KCNK10: variants seen among roughly 807,000 people sequenced by gnomAD.
KCNK10 encodes the protein potassium two pore domain channel subfamily K member 10.
Under a neutral mutation model 47.7 loss-of-function variants are expected in KCNK10, and 25 were observed. That is an observed-to-expected ratio of 0.52 (90% CI 0.38 to 0.73). KCNK10 has a LOEUF of 0.73. KCNK10 is among the 30% of genes least tolerant of loss of function. The pLI, the probability that KCNK10 is intolerant of heterozygous loss-of-function variation, is 0.00. For synonymous variants in KCNK10, 303 were observed against 285.6 expected (o/e 1.06, Z -0.61); for missense variants, 563 against 714.5 (o/e 0.79, Z 2.42).
In KCNK10 at chr14:88,192,339, C is replaced by T. The variant is rs766371129; in HGVS notation, c.753G>A (p.Val251=). The change falls in exon 5 of 7, where the codon GTG becomes GTA. Residue 251 remains valine, a synonymous_variant. Coordinates refer to ENST00000319231, the MANE Select transcript of KCNK10 (RefSeq NM_138317.3). ...TILFILAGCI[V]FVTIPAVIFK... is the part of the protein sequence containing the mutation. ...AGATGACAGCAGGGATCGTCACAAACACAATGCAGCCGGCCAAGATGAACA... is the reference window on the plus strand; with the variant it reads ...AGATGACAGCAGGGATCGTCACAAATACAATGCAGCCGGCCAAGATGAACA... 6 of 1,614,050 alleles carry T rather than the reference C, an allele frequency of 3.7e-6. No homozygotes were observed. In the African/African-American group the frequency reaches 8.0e-5, roughly 22 times the overall value.
chr14:88,242,438 C>T (rs769033406), intron 2 of KCNK10, among the ~76,000 whole-genome samples: 1 of 152,086 alleles, frequency 6.6e-6, no homozygotes, highest in South Asian at 2.1e-4. Context: ...AAAGATGCTG[C>T]GAGCTAGATT....
intron 4 of KCNK10, among the ~76,000 whole-genome samples, chr14:88,217,492 A>G (rs574501335): frequency 1.3e-5 from 2 of 152,352 alleles, no homozygotes; most frequent in African/African-American, 4.8e-5. Flanking sequence ...GCTGAAAATA[A>G]TACCCAGTTT....
chr14:88,272,483 G>A (rs900981866), intron 1 of KCNK10, among the ~76,000 whole-genome samples: 1 of 152,086 alleles, frequency 6.6e-6, no homozygotes, highest in African/African-American at 2.4e-5. Context: ...AACAGCAATG[G>A]GGGGGCAACA....
At position 88,299,953 on chromosome 14, in the gene KCNK10, T is replaced by A. The variant is rs1888061191; in HGVS notation, c.52+22794A>T. Among the ~76,000 whole-genome samples, 8 of 152,316 alleles carry A rather than the reference T, an allele frequency of 5.3e-5. 1 individual carries two copies. In the South Asian group the frequency reaches 1.7e-3, roughly 32 times the overall value. On this transcript the variant is annotated intron_variant, in intron 1 of 6. Transcript: ENST00000319231. ...TAAGAAACCCTTCCCTAACTGGGCC[T>A]GAATCTGGTTTTGCTCTCAAATGCA...
In KCNK10 at chr14:88,180,994, T is replaced by C; in HGVS notation, c.*4541A>G. 1 of 396,466 alleles carries C rather than the reference T, an allele frequency of 2.5e-6. No homozygotes were observed. Among genetic ancestry groups the C allele is most frequent in the Non-Finnish European group, 4.4e-6 (1 of 225,126 alleles). The allele number at this position is 396,466 out of a possible 1,614,324, so 24.6% of individuals were successfully genotyped here. A position where few individuals can be genotyped will look rare whatever the true frequency, so the allele number is the denominator to read the frequency against. Reference sequence around the variant, plus strand: ...ACTCAGCCACTGTCTTTGCACACAATTGCATCCTAACAGTGAGAAAGAATA... The same window carrying C: ...ACTCAGCCACTGTCTTTGCACACAACTGCATCCTAACAGTGAGAAAGAATA... On this transcript the variant is annotated 3_prime_UTR_variant, in exon 7 of 7. Transcript: ENST00000319231.
chr14:88,307,779 TA>T (rs1888233539), intron 1 of KCNK10, among the ~76,000 whole-genome samples: 1 of 152,116 alleles, frequency 6.6e-6, no homozygotes, highest in South Asian at 2.1e-4. Context: ...AATTACATAT[TA>T]TATGTTAAGC....
intron 1 of KCNK10, among the ~76,000 whole-genome samples, chr14:88,277,179 A>G (rs1887542788): frequency 6.6e-6 from 1 of 151,330 alleles, no homozygotes; most frequent in Admixed American, 6.6e-5. Flanking sequence ...GTTCATTTCA[A>G]AGTCACCAAA....
intron 1 of KCNK10, among the ~76,000 whole-genome samples, chr14:88,275,562 A>G (rs572194908): frequency 6.6e-6 from 1 of 152,104 alleles, no homozygotes; most frequent in African/African-American, 2.4e-5. Flanking sequence ...ACAAACTCCT[A>G]GGATGGCCAG....
rs754319060 is a variant in KCNK10, at chr14:88,181,894, C to T, written c.*3641G>A. ...TTGACAAGTATCTGTGCTCAACTCC[C>T]TCCCTTGATGTGCAGACAAGGTAAC... On this transcript the variant is annotated 3_prime_UTR_variant, in exon 7 of 7. Transcript: ENST00000319231. 1.3e-5 allele frequency: 2 copies of T among 152,302 alleles called. No individual in the cohort carries two copies. Among genetic ancestry groups the T allele is most frequent in the South Asian group, 2.1e-4 (1 of 4,824 alleles). 9.4% of individuals were successfully genotyped at this position (152,302 alleles called of 1,614,324 possible). A position where few individuals can be genotyped will look rare whatever the true frequency, so the allele number is the denominator to read the frequency against.
At chr14:88,200,055 CTTT>C (rs1183436867) in intron 4 of KCNK10, among the ~76,000 whole-genome samples, 1 of 144,992 alleles carries the variant, frequency 6.9e-6, no homozygotes, top group Non-Finnish European at 1.5e-5. Context: ...CTTTCTTCTT[CTTT>C]TCTTTCTTTC....
intron 1 of KCNK10, among the ~76,000 whole-genome samples, chr14:88,293,251 C>A (rs909637209): frequency 2.6e-5 from 4 of 152,140 alleles, no homozygotes; most frequent in Non-Finnish European, 5.9e-5. Context: ...ATTCATATAT[C>A]CATGAATATA....
intron 4 of KCNK10, among the ~76,000 whole-genome samples, chr14:88,197,895 A>AGAGAG (rs1884974261): frequency 5.2e-5 from 7 of 134,068 alleles, no homozygotes; most frequent in East Asian, 2.2e-4. Context: ...AGAGAGAGAG[A>AGAGAG]AGGGGAAAAA....
chr14:88,267,952 C>G (rs1422878788), intron 1 of KCNK10, among the ~76,000 whole-genome samples: 4 of 152,126 alleles, frequency 2.6e-5, no homozygotes, highest in Admixed American at 2.6e-4. Flanking sequence ...GTCCTCACTA[C>G]AAGGAATTAT....
chr14:88,278,289 G>A (rs541880943), intron 1 of KCNK10, among the ~76,000 whole-genome samples: 7 of 152,246 alleles, frequency 4.6e-5, no homozygotes, highest in South Asian at 2.1e-4. Flanking sequence ...GATTAATCCC[G>A]TCTTCCCCAT....
chr14:88,263,720 C>T (rs183366180), intron 1 of KCNK10, among the ~76,000 whole-genome samples, 169 bp from the exon 2 acceptor site: 1 of 151,914 alleles, frequency 6.6e-6, no homozygotes, highest in African/African-American at 2.4e-5. Context: ...TTGCTAGGTA[C>T]CCATTTGAGT....
At chr14:88,289,641 C>G (rs980489416) in intron 1 of KCNK10, among the ~76,000 whole-genome samples, 2 of 152,198 alleles carry the variant, frequency 1.3e-5, no homozygotes, top group African/African-American at 4.8e-5. Flanking sequence ...AGGGTAAACC[C>G]ACCCATCTTT....
At chr14:88,237,718 G>T (rs1886337436) in intron 3 of KCNK10, among the ~76,000 whole-genome samples, 1 of 152,096 alleles carries the variant, frequency 6.6e-6, no homozygotes, top group African/African-American at 2.4e-5. Context: ...CTGAGTAGTA[G>T]ATCTCAACAG....
rs563555732 is a variant in KCNK10, at chr14:88,313,512, T to A, written c.52+9235A>T. Among the ~76,000 whole-genome samples the A allele has an allele frequency of 8.8e-4, 134 of 152,354 alleles. 1 individual carries two copies. Among genetic ancestry groups the A allele is most frequent in the African/African-American group, 2.8e-3 (117 of 41,578 alleles). ...TTGTTCTTGGGGAAGCCAGCCACCATGTCACATATGAGTACACATAAGCAT... is the reference window on the plus strand; with the variant it reads ...TTGTTCTTGGGGAAGCCAGCCACCAAGTCACATATGAGTACACATAAGCAT... On this transcript the variant is annotated intron_variant, in intron 1 of 6. Coordinates refer to ENST00000319231, the MANE Select transcript of KCNK10 (RefSeq NM_138317.3).
chr14:88,254,176 G>C (rs916450536), intron 2 of KCNK10, among the ~76,000 whole-genome samples: 1 of 152,138 alleles, frequency 6.6e-6, no homozygotes, highest in African/African-American at 2.4e-5. Flanking sequence ...TCTTGCTGGA[G>C]GCAAGGACTG....
Sources: gnomAD v4.1 joint callset for allele counts (sites outside exome capture counted in the v4.1 genomes callset) on GRCh38, gnomAD v4.1.1 for gene constraint, MANE v1.5 for transcripts, NCBI Gene and HGNC (gene_info 2026-07-23, HGNC 2026-07-21) for gene names.